OGFOD3: variants seen among roughly 807,000 people sequenced by gnomAD.
OGFOD3 encodes 2-oxoglutarate and iron dependent oxygenase domain containing 3, also known as 2-oxoglutarate and iron-dependent oxygenase domain-containing protein 3.
In OGFOD3, 35 loss-of-function variants were observed where a neutral mutation model predicts 39.8. The ratio of observed to expected loss-of-function variants is 0.88; its 90% CI spans 0.67 to 1.17. The LOEUF (loss-of-function observed/expected upper bound fraction) is 1.17. Among genes scored for constraint, OGFOD3 ranks in the 50% most tolerant of loss-of-function variants. The pLI is 0.00. For missense variants in OGFOD3, 438 were observed against 454.5 expected, an observed-to-expected ratio of 0.96 and a Z score of 0.33; for synonymous variants, 200 against 192.0, an observed-to-expected ratio of 1.04 and a Z score of -0.34.
chr17:82,410,045 C>T (rs975280410), intron 3 of OGFOD3, among the ~76,000 whole-genome samples: 4 of 152,214 alleles, frequency 2.6e-5, no homozygotes, highest in African/African-American at 4.8e-5. Context: ...CTCCTGGAAC[C>T]CCAGGCAGGT....
At chr17:82,405,140 C>A (rs2052834195) in intron 6 of OGFOD3, among the ~76,000 whole-genome samples, 184 bp downstream of exon 6, 2 of 152,274 alleles carry the variant, frequency 1.3e-5, no homozygotes, top group South Asian at 2.1e-4. Context: ...GTTTCACCGA[C>A]CCGGGCGCAT....
chr17:82,412,071 A>G (rs1439046946), intron 2 of OGFOD3, among the ~76,000 whole-genome samples: 1 of 69,900 alleles, frequency 1.4e-5, no homozygotes, highest in Non-Finnish European at 3.0e-5. Flanking sequence ...AACCCTCCTG[A>G]GACCGCCAGA....
chr17:82,409,512 C>A, intron 3 of OGFOD3, 102 bp from the exon 4 acceptor site: 1 of 1,061,186 alleles, frequency 9.4e-7, no homozygotes, highest in African/African-American at 1.6e-5. Context: ...TTAGTGGGTC[C>A]TGCGTGTTTA....
chr17:82,392,516 G>T lies in OGFOD3; in HGVS notation c.842C>A (p.Thr281Asn). ...GCGGTGTAGGTTCTCGGACCCCGAGGTGAAGAAGGAGACGCGACCTGGGAG... is the reference window on the plus strand; with the variant it reads ...GCGGTGTAGGTTCTCGGACCCCGAGTTGAAGAAGGAGACGCGACCTGGGAG... ...EPRAGRVSFF[T>N]SGSENLHRVE... Residue 281 changes from threonine to asparagine, a missense_variant, in exon 9 of 9, where the codon ACC (threonine) becomes AAC (asparagine). Physicochemically the swap from Thr to Asn is moderately conservative, Grantham distance 65. Transcript: ENST00000313056. This position sits in a 1 kb window ranked among gnomAD's most constrained non-coding sequence, Gnocchi z 4.2. 3 of 1,595,810 alleles carry T rather than the reference G, an allele frequency of 1.9e-6. No individual in the cohort carries two copies. Among genetic ancestry groups the T allele is most frequent in the Non-Finnish European group, 2.6e-6 (3 of 1,171,950 alleles).
intron 7 of OGFOD3, among the ~76,000 whole-genome samples, chr17:82,400,191 T>G (rs1247452314): frequency 1.3e-5 from 2 of 152,020 alleles, no homozygotes; most frequent in African/African-American, 4.8e-5. Flanking sequence ...CCCTGGGCGG[T>G]GGGTCAAGCT....
intron 8 of OGFOD3, among the ~76,000 whole-genome samples, chr17:82,395,481 G>A (rs1056725928): frequency 1.3e-5 from 2 of 152,182 alleles, no homozygotes; most frequent in African/African-American, 2.4e-5. Flanking sequence ...TGCCTTCCTC[G>A]ATAAAGTTGC....
At position 82,398,306 on chromosome 17, in the gene OGFOD3, G is replaced by T. The variant is rs369169788; in HGVS notation, c.713C>A (p.Ser238Tyr). 6.3e-5 allele frequency: 101 copies of T among 1,614,022 alleles called. No individual in the cohort carries two copies. Among genetic ancestry groups the T allele is most frequent in the Non-Finnish European group, 8.5e-5 (100 of 1,180,000 alleles). The change falls in exon 8 of 9, where the codon TCC becomes TAC. Residue 238 changes from serine (S) to tyrosine (Y), a missense_variant. By Grantham distance (144) the Ser-to-Tyr change is moderately radical. Transcript: ENST00000313056. ...HAHVDKVTYG[S>Y]FDYTSLLYLS... ...GTACAGCAGCGAGGTGTAGTCGAAG[G>T]AGCCGTAGGTCACCTGAGGGCAGAG...
chr17:82,404,025 T>C lies in OGFOD3; in HGVS notation c.611A>G (p.His204Arg), dbSNP rs746051733. The C allele has an allele frequency of 1.9e-6, 3 of 1,611,058 alleles. No homozygotes were observed. Among genetic ancestry groups the C allele is most frequent in the Non-Finnish European group, 2.5e-6 (3 of 1,178,844 alleles). Residue 204 changes from histidine to arginine, a missense_variant, in exon 7 of 9, where the codon CAT (histidine) becomes CGT (arginine). By Grantham distance (29) the His-to-Arg change is conservative. Transcript: ENST00000313056. The surrounding 1 kb of genome is among the most constrained non-coding windows in gnomAD (Gnocchi z 4.5). ...EAFGISASSL[H>R]LTKPTFFSRI... Reference sequence around the variant, plus strand: ...GGAGAAGAAGGTGGGCTTGGTCAGATGCAGCGAGGATGCGCTGATGCCAAA... The same window carrying C: ...GGAGAAGAAGGTGGGCTTGGTCAGACGCAGCGAGGATGCGCTGATGCCAAA...
chr17:82,392,100 T>G lies in OGFOD3; in HGVS notation c.*298A>C, dbSNP rs1438329355. ...GTCCCGGGGGGTTGCTGAACCTGGGTGGATGAGTCCCGTCCATTCACAGAT... is the reference window on the plus strand; with the variant it reads ...GTCCCGGGGGGTTGCTGAACCTGGGGGGATGAGTCCCGTCCATTCACAGAT... On this transcript the variant is annotated 3_prime_UTR_variant, in exon 9 of 9. Coordinates refer to ENST00000313056, the MANE Select transcript of OGFOD3 (RefSeq NM_024648.3). This position sits in a 1 kb window ranked among gnomAD's most constrained non-coding sequence, Gnocchi z 4.2. 2 of 401,422 alleles carry G rather than the reference T, an allele frequency of 5.0e-6. No individual in the cohort carries two copies. Among genetic ancestry groups the G allele is most frequent in the Non-Finnish European group, 9.0e-6 (2 of 223,458 alleles). 24.9% of individuals were successfully genotyped at this position (401,422 alleles called of 1,614,324 possible).
chr17:82,418,347 A>G lies in OGFOD3; in HGVS notation c.74+65T>C, dbSNP rs2053121072. The G allele has an allele frequency of 8.9e-6, 6 of 673,990 alleles. No homozygotes were observed. In the Admixed American group the frequency reaches 1.9e-4, roughly 21 times the overall value. 41.8% of individuals were successfully genotyped at this position (673,990 alleles called of 1,614,324 possible). The stretch of plus-strand genomic sequence containing the variant: ...GGCCAGGCCCCGCCCCATCAGCCCC[A>G]GTCCCGCCCACTCCATGGCCCTGTC... On this transcript the variant is annotated intron_variant, in intron 1 of 8. Transcript: ENST00000313056.
At position 82,392,484 on chromosome 17, in the gene OGFOD3, T is replaced by C. The variant is rs2052610517; in HGVS notation, c.874A>G (p.Lys292Glu). 2.5e-6 allele frequency: 4 copies of C among 1,608,392 alleles called. No homozygotes were observed. The African/African-American group carries it at 4.0e-5, about 16-fold the overall frequency. Residue 292 changes from lysine to glutamate, a missense_variant, in exon 9 of 9, where the codon AAG (lysine) becomes GAG (glutamate). Physicochemically the swap from Lys to Glu is moderately conservative, Grantham distance 56. Coordinates refer to ENST00000313056, the MANE Select transcript of OGFOD3 (RefSeq NM_024648.3). This position sits in a 1 kb window ranked among gnomAD's most constrained non-coding sequence, Gnocchi z 4.2. Reference protein sequence around the residue: ...SGSENLHRVEKVHWGTRYAIT... With the variant: ...SGSENLHRVEEVHWGTRYAIT... Reference sequence around the variant, plus strand: ...GCGTAACGGGTGCCCCAGTGGACCTTCTCCACGCGGTGTAGGTTCTCGGAC... The same window carrying C: ...GCGTAACGGGTGCCCCAGTGGACCTCCTCCACGCGGTGTAGGTTCTCGGAC...
intron 7 of OGFOD3, among the ~76,000 whole-genome samples, chr17:82,401,815 AAAAAAAAAC>A (rs901235358): frequency 6.7e-6 from 1 of 149,674 alleles, no homozygotes; most frequent in African/African-American, 2.5e-5. Flanking sequence ...AAAAAAAAAA[AAAAAAAAAC>A]AAAGACTGCC....
chr17:82,401,812 A>AAAAAAAAAAAC (rs1567868718), intron 7 of OGFOD3, among the ~76,000 whole-genome samples: 1 of 149,346 alleles, frequency 6.7e-6, no homozygotes, highest in East Asian at 2.0e-4. Flanking sequence ...TCAAAAAAAA[A>AAAAAAAAAAAC]AAAAAAAAAA....
chr17:82,398,149 T>C, intron 8 of OGFOD3, 47 bp downstream of exon 8: 3 of 1,611,730 alleles, frequency 1.9e-6, no homozygotes, highest in Non-Finnish European at 2.5e-6. Flanking sequence ...CCACCGTGCT[T>C]GCCTGAGCCA....
Position 82,409,339 on chromosome 17 carries a change from AAG to A in OGFOD3, c.423+27_423+28del, listed in dbSNP as rs1491519353. On this transcript the variant is annotated intron_variant, in intron 4 of 8. Coordinates refer to ENST00000313056, the MANE Select transcript of OGFOD3 (RefSeq NM_024648.3). ...TGAGAGCAAAGTTAACGGGTAAAAA[AAG>A]GGGGGCAGGGACTACATTCAACTCA... 15 of 1,612,008 alleles carry A rather than the reference AAG, an allele frequency of 9.3e-6. No individual in the cohort carries two copies. In the Admixed American group the frequency reaches 1.7e-4, roughly 18 times the overall value.
At chr17:82,412,335 G>T (rs111325183) in intron 2 of OGFOD3, among the ~76,000 whole-genome samples, 1 of 134,862 alleles carries the variant, frequency 7.4e-6, no homozygotes, top group Non-Finnish European at 1.6e-5. Flanking sequence ...CAGGGGCATG[G>T]TTATCGGGGC....
chr17:82,411,786 A>G, intron 2 of OGFOD3: 1 of 507,776 alleles, frequency 2.0e-6, no homozygotes, highest in Admixed American at 3.7e-5. Context: ...ACCCTGGGAA[A>G]GTCACAGAAA....
At position 82,415,902 on chromosome 17, in the gene OGFOD3, A is replaced by AG. The variant is rs1239157675; in HGVS notation, c.75-276_75-275insC. 7.3e-6 allele frequency among the ~76,000 whole-genome samples: 1 copy of AG among 136,822 alleles called. No individual in the cohort carries two copies. Among genetic ancestry groups the AG allele is most frequent in the African/African-American group, 2.6e-5 (1 of 38,880 alleles). The allele number at this position is 136,822 out of a possible 152,430, so 89.8% of individuals were successfully genotyped here. ...AGACTCATGGGTTTTAAGCAAAAGA[A>AG]AAAAAAAAAAAAAGCCAGACATGCT... On this transcript the variant is annotated intron_variant, in intron 1 of 8. Coordinates refer to ENST00000313056, the MANE Select transcript of OGFOD3 (RefSeq NM_024648.3). This position sits in a 1 kb window ranked among gnomAD's most constrained non-coding sequence, Gnocchi z 5.3.
At chr17:82,403,889 G>A (rs1238955637) in intron 7 of OGFOD3, 48 bp downstream of exon 7, 5 of 1,538,840 alleles carry the variant, frequency 3.2e-6, no homozygotes. Context: ...CCACGGGCAC[G>A]CTCACCTTGT....
Sources: gnomAD v4.1 joint callset for allele counts (sites outside exome capture counted in the v4.1 genomes callset) on GRCh38, gnomAD v4.1.1 for gene constraint, Gnocchi (gnomAD v3.1) non-coding constraint, MANE v1.5 for transcripts, NCBI Gene and HGNC (gene_info 2026-07-23, HGNC 2026-07-21) for gene names.